TRABD: variants seen among roughly 807,000 people sequenced by gnomAD.
TRABD encodes the protein TraB domain containing.
TRABD carries 23 observed loss-of-function variants against 39.6 expected under a neutral mutation model. The observed-to-expected ratio is 0.58, with a 90% CI of 0.42 to 0.82. The LOEUF (loss-of-function observed/expected upper bound fraction) is 0.82, where lower values mean the gene tolerates loss of function less well. TRABD is among the 40% of genes least tolerant of loss of function. TRABD has a pLI of 0.00. For missense variants in TRABD, 487 were observed against 544.9 expected (o/e 0.89, Z 1.06); for synonymous variants, 243 against 232.1 (o/e 1.05, Z -0.43).
At chr22:50,188,833 G>A (rs566356851) in intron 1 of TRABD, among the ~76,000 whole-genome samples, 16 of 152,300 alleles carry the variant, frequency 1.1e-4, no homozygotes, top group African/African-American at 3.4e-4. Flanking sequence ...GCAGACAGCC[G>A]TCTCTGACGC....
At position 50,193,235 on chromosome 22, in the gene TRABD, C is replaced by T. The variant is rs1050847792; in HGVS notation, c.33+142C>T. The T allele has an allele frequency of 3.3e-5, 37 of 1,107,670 alleles. No homozygotes were observed. In the African/African-American group the frequency reaches 4.3e-4, roughly 13 times the overall value. The allele number at this position is 1,107,670 out of a possible 1,614,324, so 68.6% of individuals were successfully genotyped here. ...TCCAGGGTCAGGCAGGAGGCACCTCCGAGGGAGAGGGGCGCTGGGCTGAGG... is the reference window on the plus strand; with the variant it reads ...TCCAGGGTCAGGCAGGAGGCACCTCTGAGGGAGAGGGGCGCTGGGCTGAGG... On this transcript the variant is annotated intron_variant, in intron 2 of 9. Transcript: ENST00000380909.
At chr22:50,187,069 C>T (rs1178549169) in intron 1 of TRABD, among the ~76,000 whole-genome samples, 1 of 152,222 alleles carries the variant, frequency 6.6e-6, no homozygotes, top group African/African-American at 2.4e-5. Context: ...CGCTTGCTGC[C>T]GCCGCCCTTG....
chr22:50,197,204 C>A, intron 5 of TRABD, 37 bp from the exon 6 acceptor site: 1 of 1,594,476 alleles, frequency 6.3e-7, no homozygotes, highest in Non-Finnish European at 8.6e-7. Context: ...CCCCCGCACC[C>A]GCCCCTCCAG....
intron 1 of TRABD, among the ~76,000 whole-genome samples, chr22:50,186,641 GGGGAGGCCGAGC>G (rs1413666763): frequency 6.6e-6 from 1 of 152,152 alleles, no homozygotes; most frequent in African/African-American, 2.4e-5. Context: ...GGGGGTGCTG[GGGGAGGCCGAGC>G]GGGAGGCCCC....
At chr22:50,187,682 A>G (rs2063795429) in intron 1 of TRABD, among the ~76,000 whole-genome samples, 1 of 152,224 alleles carries the variant, frequency 6.6e-6, no homozygotes, top group South Asian at 2.1e-4. Flanking sequence ...AGGAAACTTT[A>G]AAAAACAGCA....
intron 1 of TRABD, among the ~76,000 whole-genome samples, chr22:50,188,778 T>G (rs1262519483): frequency 1.3e-5 from 2 of 152,050 alleles, no homozygotes; most frequent in Non-Finnish European, 2.9e-5. Context: ...AGGCTCCCAC[T>G]GGATGTCAGG....
intron 1 of TRABD, among the ~76,000 whole-genome samples, chr22:50,188,389 C>T (rs112907587): frequency 1.3e-5 from 2 of 152,172 alleles, no homozygotes; most frequent in African/African-American, 2.4e-5. Context: ...GGGCTGTGAG[C>T]GAGTAGGCTC....
chr22:50,197,764 G>GCCCCCCCCCCCCCCCCCCCCC, intron 7 of TRABD, 59 bp from the exon 8 acceptor site: 1 of 1,284,794 alleles, frequency 7.8e-7, no homozygotes, highest in Non-Finnish European at 1.1e-6. Context: ...CACAGTGCCA[G>GCCCCCCCCCCCCCCCCCCCCC]CCCCACCCCC....
At chr22:50,193,504 G>A (rs1218088857) in intron 2 of TRABD, 72 bp from the exon 3 acceptor site, 14 of 1,440,480 alleles carry the variant, frequency 9.7e-6, no homozygotes, top group Admixed American at 3.4e-5. Context: ...TACGTGGTCC[G>A]TGGAGTTGCC....
intron 7 of TRABD, 60 bp from the exon 8 acceptor site, chr22:50,197,763 A>AGGGCCCCCCCCCCCCCCCCCCCTT: frequency 1.4e-6 from 2 of 1,439,784 alleles, no homozygotes; most frequent in Non-Finnish European, 1.9e-6. Flanking sequence ...CCACAGTGCC[A>AGGGCCCCCCCCCCCCCCCCCCCTT]GCCCCACCCC....
rs1230816646 is a variant in TRABD, at chr22:50,185,973, C to T, written c.-38C>T. ...CGGCTGAGGAGCGCCGCTGCCTCGCCTCGGTACGCCGCGCGGCGCGGACGG... is the reference window on the plus strand; with the variant it reads ...CGGCTGAGGAGCGCCGCTGCCTCGCTTCGGTACGCCGCGCGGCGCGGACGG... On this transcript the variant is annotated 5_prime_UTR_variant, in exon 1 of 10. Coordinates refer to ENST00000380909, the MANE Select transcript of TRABD (RefSeq NM_001320485.2). The T allele has an allele frequency of 6.7e-6, 1 of 148,168 alleles. No individual in the cohort carries two copies. The highest frequency in any genetic ancestry group is 1.5e-5 in the Non-Finnish European group (1 of 66,402). 9.2% of individuals were successfully genotyped at this position (148,168 alleles called of 1,614,324 possible).
At position 50,197,917 on chromosome 22, in the gene TRABD, G is replaced by A. The variant is rs1366837851; in HGVS notation, c.766G>A (p.Val256Ile). The A allele has an allele frequency of 5.0e-6, 8 of 1,612,900 alleles. No individual in the cohort carries two copies. The highest frequency in any genetic ancestry group is 4.0e-5 in the African/African-American group (3 of 74,880). The stretch of plus-strand genomic sequence containing the variant: ...GTTCCCAGACCTGCACCGCACCATC[G>A]TCTCGGAGCGCGACGTCTACCTAAC... ...GEFPDLHRTI[V>I]SERDVYLTYM... is the part of the protein sequence containing the mutation. The change falls in exon 8 of 10, where the codon GTC becomes ATC. Residue 256 changes from valine (V) to isoleucine (I), a missense_variant. Val to Ile is a conservative substitution (Grantham distance 29). Coordinates refer to ENST00000380909, the MANE Select transcript of TRABD (RefSeq NM_001320485.2).
In TRABD at chr22:50,194,405, C is replaced by A; in HGVS notation, c.178C>A (p.Leu60Met). 6.2e-7 allele frequency: 1 copy of A among 1,612,852 alleles called. No homozygotes were observed. The change falls in exon 4 of 10, where the codon CTG becomes ATG. Residue 60 changes from leucine to methionine, a missense_variant. This residue lies in a region of TRABD where 358 missense variants were observed against 414.7 expected (regional missense o/e 0.86). Transcript: ENST00000380909. ...GAAGCGGCGGCGTCAGCGGCCCAAC[C>A]TGCCGCGCACTGTGACCCAGTTGGT... ...KLKRRRQRPN[L>M]PRTVTQLVAE...
intron 1 of TRABD, among the ~76,000 whole-genome samples, chr22:50,191,290 C>T (rs1308054919): frequency 6.6e-6 from 1 of 152,150 alleles, no homozygotes; most frequent in African/African-American, 2.4e-5. Flanking sequence ...CGTCCCTGCT[C>T]CCCCAGCCCC....
At chr22:50,188,896 G>C (rs576496663) in intron 1 of TRABD, among the ~76,000 whole-genome samples, 4 of 152,368 alleles carry the variant, frequency 2.6e-5, no homozygotes, top group Non-Finnish European at 4.4e-5. Flanking sequence ...GCACACCTCA[G>C]GCAGAGCCCT....
rs752783275 is a variant in TRABD at position 50,197,306 on chromosome 22, G to A, written c.486G>A (p.Gln162=). 3 of 1,613,756 alleles carry A rather than the reference G, an allele frequency of 1.9e-6. No individual in the cohort carries two copies. The highest frequency in any genetic ancestry group is 2.2e-5 in the East Asian group (1 of 44,894). Residue 162 remains glutamine (Q), a synonymous_variant, in exon 6 of 10, where the codon CAG becomes CAA. Coordinates refer to ENST00000380909, the MANE Select transcript of TRABD (RefSeq NM_001320485.2). ...LLKVSAHITE[Q]LGMAPGGEFR... is the part of the protein sequence containing the mutation. ...AGGTGTCTGCACACATCACCGAGCA[G>A]CTGGGCATGGCCCCAGGTGGCGAGT...
rs1382836145 is a variant in TRABD at position 50,186,959 on chromosome 22, C to CGCAGCCTCGGTAGCCTCCA, written c.-35+985_-35+1003dup. 2.0e-5 allele frequency among the ~76,000 whole-genome samples: 3 copies of CGCAGCCTCGGTAGCCTCCA among 152,236 alleles called. No homozygotes were observed. The East Asian group carries it at 5.8e-4, about 29-fold the overall frequency. ...GTGCTAAGCTCCCTGCGGGGACTCC[C>CGCAGCCTCGGTAGCCTCCA]GCAGCCTCGGTAGCCTCCAGATGGA... On this transcript the variant is annotated intron_variant, in intron 1 of 9. Coordinates refer to ENST00000380909, the MANE Select transcript of TRABD (RefSeq NM_001320485.2).
intron 7 of TRABD, 47 bp from the exon 8 acceptor site, chr22:50,197,776 C>CCCCCCG: frequency 6.9e-7 from 1 of 1,439,452 alleles, no homozygotes; most frequent in Non-Finnish European, 9.7e-7. Context: ...CCCACCCCCC[C>CCCCCCG]AGCCCGTTGC....
At position 50,198,330 on chromosome 22, in the gene TRABD, C is replaced by T; in HGVS notation, c.957-15C>T. ...CCCACCCCCAGCCAGGCCCAGCGCCCCCTCCCTCCCACAGCGTGCCCCCGC... is the reference window on the plus strand; with the variant it reads ...CCCACCCCCAGCCAGGCCCAGCGCCTCCTCCCTCCCACAGCGTGCCCCCGC... On this transcript the variant is annotated splice_polypyrimidine_tract_variant and intron_variant, in intron 9 of 9. Transcript: ENST00000380909. This position sits in a 1 kb window ranked among gnomAD's most constrained non-coding sequence, Gnocchi z 7.9. The T allele has an allele frequency of 1.3e-6, 2 of 1,552,900 alleles. No individual in the cohort carries two copies. Among genetic ancestry groups the T allele is most frequent in the Non-Finnish European group, 1.7e-6 (2 of 1,151,112 alleles).
Sources: allele counts gnomAD v4.1 joint callset (sites outside exome capture counted in the v4.1 genomes callset), GRCh38; gene constraint gnomAD v4.1.1; regional missense constraint gnomAD v4.1.1; non-coding constraint Gnocchi (gnomAD v3.1); transcripts MANE v1.5; gene names NCBI Gene and HGNC (gene_info 2026-07-23, HGNC 2026-07-21).